The following SERGEF variants were observed in gnomAD, a reference collection of about 807,000 sequenced individuals.
SERGEF encodes secretion regulating guanine nucleotide exchange factor.
In SERGEF, 51 loss-of-function variants were observed where a neutral mutation model predicts 50.0. That is an observed-to-expected ratio of 1.02 (90% CI 0.81 to 1.29). The LOEUF is 1.29. Ranked by LOEUF, SERGEF falls within the 50% of genes most tolerant of loss-of-function variation. SERGEF has a pLI of 0.00. For missense variants in SERGEF, 521 were observed against 557.0 expected (o/e 0.94, Z 0.65); for synonymous variants, 205 against 212.4 (o/e 0.97, Z 0.30).
chr11:17,980,911 GATT>G (rs1853483514), intron 8 of SERGEF, among the ~76,000 whole-genome samples: 1 of 152,190 alleles, frequency 6.6e-6, no homozygotes, highest in Non-Finnish European at 1.5e-5. Flanking sequence ...GACCCTTAAA[GATT>G]ATTATGTAAA....
chr11:17,833,043 A>G (rs1221212430), intron 10 of SERGEF, among the ~76,000 whole-genome samples: 1 of 152,232 alleles, frequency 6.6e-6, no homozygotes, highest in African/African-American at 2.4e-5. Flanking sequence ...AAATTTGCAT[A>G]AGTAACGAGG....
intron 10 of SERGEF, among the ~76,000 whole-genome samples, chr11:17,874,688 A>G (rs1851210331): frequency 6.6e-6 from 1 of 152,208 alleles, no homozygotes; most frequent in African/African-American, 2.4e-5. Context: ...GTCTGGGACA[A>G]TGAATAGCAG....
intron 10 of SERGEF, among the ~76,000 whole-genome samples, chr11:17,825,724 A>C (rs1850180720): frequency 6.6e-6 from 1 of 152,198 alleles, no homozygotes; most frequent in South Asian, 2.1e-4. Context: ...TCACAGAGAG[A>C]ATGGGGACTG....
intron 10 of SERGEF, among the ~76,000 whole-genome samples, chr11:17,852,521 C>T (rs1361233020): frequency 6.6e-6 from 1 of 152,134 alleles, no homozygotes; most frequent in South Asian, 2.1e-4. Context: ...CCATTTGGCT[C>T]AGGTAGGTGG....
chr11:17,790,131 C>G (rs776741697), intron 10 of SERGEF, among the ~76,000 whole-genome samples: 1 of 152,242 alleles, frequency 6.6e-6, no homozygotes, highest in Non-Finnish European at 1.5e-5. Flanking sequence ...TTCAACCCTT[C>G]TCTTAAAAAA....
In SERGEF at chr11:18,007,966, T is replaced by C. The variant is rs1351638939; in HGVS notation, c.171A>G (p.Gly57=). The C allele has an allele frequency of 3.7e-6, 6 of 1,613,796 alleles. No homozygotes were observed. The highest frequency in any genetic ancestry group is 5.1e-6 in the Non-Finnish European group (6 of 1,179,874). Reference sequence around the variant, plus strand: ...CTGTGACAACTGCAGAGTGGCCCCCTCCTCCTGTGATCCTCCTGACACTCC... The same window carrying C: ...CTGTGACAACTGCAGAGTGGCCCCCCCCTCCTGTGATCCTCCTGACACTCC... The part of the protein sequence containing the change: ...KPRSVRRITG[G]GGHSAVVTDG... The change falls in exon 2 of 11, where the codon GGA becomes GGG. Residue 57 remains glycine, a synonymous_variant. Transcript: ENST00000265965.
At position 17,888,800 on chromosome 11, in the gene SERGEF, C is replaced by T. The variant is rs952672485; in HGVS notation, c.1012-10556G>A. On this transcript the variant is annotated intron_variant, in intron 9 of 10. Coordinates refer to ENST00000265965, the MANE Select transcript of SERGEF (RefSeq NM_012139.4). This position sits in a 1 kb window ranked among gnomAD's most constrained non-coding sequence, Gnocchi z 4.1. ...TCAACTAAGAGGGATCAGAGCTCCT[C>T]GGAGAAAAGGCTGATTCTAGGGTTG... Among the ~76,000 whole-genome samples, 1 of 152,002 alleles carries T rather than the reference C, an allele frequency of 6.6e-6. No homozygotes were observed. The highest frequency in any genetic ancestry group is 2.4e-5 in the African/African-American group (1 of 41,380).
chr11:17,817,172 G>T (rs1436231252), intron 10 of SERGEF, among the ~76,000 whole-genome samples: 1 of 151,092 alleles, frequency 6.6e-6, no homozygotes, highest in Non-Finnish European at 1.5e-5. Flanking sequence ...AACTTACAAT[G>T]TATTACTATT....
intron 9 of SERGEF, among the ~76,000 whole-genome samples, chr11:17,955,488 A>C (rs1472015932): frequency 2.0e-5 from 3 of 152,204 alleles, no homozygotes; most frequent in Non-Finnish European, 2.9e-5. Flanking sequence ...AGAGCATAAA[A>C]GGTGGGACAG....
At chr11:17,826,496 T>C (rs551924835) in intron 10 of SERGEF, among the ~76,000 whole-genome samples, 1 of 152,322 alleles carries the variant, frequency 6.6e-6, no homozygotes, top group East Asian at 1.9e-4. Context: ...ATTTGGAGCA[T>C]GCTATTCAAA....
At chr11:17,893,911 C>T (rs1851577629) in intron 9 of SERGEF, among the ~76,000 whole-genome samples, 1 of 152,180 alleles carries the variant, frequency 6.6e-6, no homozygotes, top group Non-Finnish European at 1.5e-5. Flanking sequence ...CTGAGGGTGT[C>T]AGAGAAATGG....
intron 9 of SERGEF, among the ~76,000 whole-genome samples, chr11:17,894,843 C>T (rs936992146): frequency 6.6e-5 from 10 of 152,166 alleles, no homozygotes; most frequent in Non-Finnish European, 1.5e-4. Context: ...ATCCTTCAGA[C>T]GTTAAGAATT....
Position 18,008,477 on chromosome 11 carries a change from C to CT in SERGEF, c.61-402dup, listed in dbSNP as rs141718536. Among the ~76,000 whole-genome samples, 1,806 of 152,306 alleles carry CT rather than the reference C, an allele frequency of 0.012. 76 individuals carry two copies. The East Asian group carries it at 0.15, about 13-fold the overall frequency. On this transcript the variant is annotated intron_variant, in intron 1 of 10. Coordinates refer to ENST00000265965, the MANE Select transcript of SERGEF (RefSeq NM_012139.4). The stretch of plus-strand genomic sequence containing the variant: ...TCCTGCAGCAGCTGAAGAAACCACA[C>CT]TTTTTTCTACCTCAGGCCCCAGAAG...
chr11:18,002,774 G>A (rs1294182442), intron 4 of SERGEF, among the ~76,000 whole-genome samples: 1 of 152,126 alleles, frequency 6.6e-6, no homozygotes, highest in African/African-American at 2.4e-5. Context: ...ATTCAACTTT[G>A]CTCCCACTGC....
rs745748575 is a variant in SERGEF at position 18,006,666 on chromosome 11, T to A, written c.277A>T (p.Thr93Ser). Reference sequence around the variant, plus strand: ...CAGCCAAAGAGGGATTTGCAGGGGGTAAAATATGGGATATCCTCTGTGTGA... The same window carrying A: ...CAGCCAAAGAGGGATTTGCAGGGGGAAAAATATGGGATATCCTCTGTGTGA... Reference protein sequence around the residue: ...LGHTEDIPYFTPCKSLFGCPI... With the variant: ...LGHTEDIPYFSPCKSLFGCPI... Residue 93 changes from threonine (T) to serine (S), a missense_variant, in exon 3 of 11, where the codon ACC (threonine) becomes TCC (serine). By Grantham distance (58) the Thr-to-Ser change is moderately conservative (BLOSUM62 1). Coordinates refer to ENST00000265965, the MANE Select transcript of SERGEF (RefSeq NM_012139.4). 1 of 1,613,946 alleles carries A rather than the reference T, an allele frequency of 6.2e-7. No individual in the cohort carries two copies. The highest frequency in any genetic ancestry group is 1.1e-5 in the South Asian group (1 of 91,068).
intron 9 of SERGEF, among the ~76,000 whole-genome samples, chr11:17,915,206 C>T (rs1852027362): frequency 6.6e-6 from 1 of 152,086 alleles, no homozygotes; most frequent in Admixed American, 6.6e-5. Flanking sequence ...TCACTGTATC[C>T]CCCATAATGC....
chr11:17,850,279 G>C (rs1450453384), intron 10 of SERGEF, among the ~76,000 whole-genome samples: 1 of 152,128 alleles, frequency 6.6e-6, no homozygotes, highest in East Asian at 1.9e-4. Flanking sequence ...AGGAATTTTT[G>C]AGGAGCATAT....
At chr11:17,993,035 G>A in intron 6 of SERGEF, 42 bp from the exon 7 acceptor site, 1 of 1,560,690 alleles carries the variant, frequency 6.4e-7, no homozygotes, top group Non-Finnish European at 8.8e-7. Flanking sequence ...ATTTATAACA[G>A]AACAAACTGG....
chr11:18,008,809 C>G (rs1400179328), intron 1 of SERGEF, among the ~76,000 whole-genome samples: 2 of 151,766 alleles, frequency 1.3e-5, no homozygotes, highest in Non-Finnish European at 2.9e-5. Flanking sequence ...TGAACTTCAG[C>G]CCCCAAATGA....
Sources: allele counts gnomAD v4.1 joint callset (sites outside exome capture counted in the v4.1 genomes callset), GRCh38; gene constraint gnomAD v4.1.1; non-coding constraint Gnocchi (gnomAD v3.1); transcripts MANE v1.5; gene names NCBI Gene and HGNC (gene_info 2026-07-23, HGNC 2026-07-21).